The following USP12 variants were observed in gnomAD, a reference collection of about 807,000 sequenced individuals.
USP12 encodes ubiquitin carboxyl-terminal hydrolase 12.
In USP12, 19 loss-of-function variants were observed where a neutral mutation model predicts 45.5. The ratio of observed to expected loss-of-function variants is 0.42; its 90% CI spans 0.29 to 0.61. The LOEUF is 0.61. USP12 is among the 20% of genes least tolerant of loss of function. The pLI is 0.22. For missense variants in USP12, 242 were observed against 447.7 expected, an observed-to-expected ratio of 0.54 and a Z score of 4.15; for synonymous variants, 149 against 148.8, an observed-to-expected ratio of 1.00 and a Z score of -0.01.
chr13:27,070,793 T>TCCGC (rs1873213977), intron 8 of USP12, among the ~76,000 whole-genome samples: 1 of 152,126 alleles, frequency 6.6e-6, no homozygotes, highest in South Asian at 2.1e-4. Context: ...CCTCAGGTGA[T>TCCGC]CCGCCCGCCT....
At chr13:27,132,987 T>A (rs1216466860) in intron 1 of USP12, among the ~76,000 whole-genome samples, 1 of 152,236 alleles carries the variant, frequency 6.6e-6, no homozygotes, top group Non-Finnish European at 1.5e-5. Context: ...GCTCCTACTA[T>A]GAACTGTTGA....
At position 27,123,682 on chromosome 13, in the gene USP12, C is replaced by T. The variant is rs143450941; in HGVS notation, c.49-7086G>A. Reference sequence around the variant, plus strand: ...TTACAAAGGGCAGTTCCCCTGCACACGCTCTCTTGCCTGCCGCCATGTAAG... The same window carrying T: ...TTACAAAGGGCAGTTCCCCTGCACATGCTCTCTTGCCTGCCGCCATGTAAG... On this transcript the variant is annotated intron_variant, in intron 1 of 8. Transcript: ENST00000282344. Among the ~76,000 whole-genome samples the T allele has an allele frequency of 8.1e-3, 1,238 of 152,332 alleles. 15 individuals are homozygous for T. The highest frequency in any genetic ancestry group is 0.026 in the African/African-American group (1,095 of 41,578).
intron 6 of USP12, among the ~76,000 whole-genome samples, chr13:27,086,683 C>T (rs980961809): frequency 5.3e-5 from 8 of 152,080 alleles, no homozygotes; most frequent in Non-Finnish European, 1.0e-4. Flanking sequence ...GTGGCTTTTG[C>T]TCACAGATGG....
intron 6 of USP12, among the ~76,000 whole-genome samples, chr13:27,085,134 T>C (rs963632519): frequency 6.6e-6 from 1 of 151,900 alleles, no homozygotes; most frequent in African/African-American, 2.4e-5. Flanking sequence ...TTGTTTCTAA[T>C]AGTATTATAA....
chr13:27,170,399 C>T (rs1401782881), intron 1 of USP12: 1 of 398,280 alleles, frequency 2.5e-6, no homozygotes, highest in Non-Finnish European at 4.4e-6. Context: ...TATATGAAAT[C>T]AGTTGCATAA....
At chr13:27,093,556 C>A (rs573398212) in intron 4 of USP12, among the ~76,000 whole-genome samples, 8 of 152,204 alleles carry the variant, frequency 5.3e-5, no homozygotes, top group Non-Finnish European at 1.2e-4. Context: ...AACAAGAACT[C>A]TCATTCACTG....
intron 2 of USP12, among the ~76,000 whole-genome samples, chr13:27,113,478 A>G (rs377739205): frequency 6.6e-6 from 1 of 152,082 alleles, no homozygotes; most frequent in East Asian, 1.9e-4. Flanking sequence ...AGAACATTGT[A>G]TTTCCACATC....
At chr13:27,137,237 A>T (rs1455194088) in intron 1 of USP12, among the ~76,000 whole-genome samples, 1 of 152,176 alleles carries the variant, frequency 6.6e-6, no homozygotes, top group African/African-American at 2.4e-5. Flanking sequence ...CCTCAAGTAA[A>T]CAATAATTCT....
chr13:27,115,335 G>C (rs933708445), intron 2 of USP12, among the ~76,000 whole-genome samples: 4 of 152,138 alleles, frequency 2.6e-5, no homozygotes, highest in Non-Finnish European at 4.4e-5. Context: ...AGAGAGAAAG[G>C]TAAGGGAGTG....
chr13:27,166,345 C>G (rs543230862), intron 1 of USP12, among the ~76,000 whole-genome samples: 5 of 152,226 alleles, frequency 3.3e-5, no homozygotes, highest in Admixed American at 6.5e-5. Context: ...AAAGATACTT[C>G]CTGAGACAAT....
chr13:27,116,184 C>T (rs1487296876), intron 2 of USP12, among the ~76,000 whole-genome samples: 4 of 151,684 alleles, frequency 2.6e-5, no homozygotes, highest in African/African-American at 4.8e-5. Flanking sequence ...TGGTGGCAGG[C>T]GCCTGTAGTC....
chr13:27,095,558 G>C (rs1271717299), intron 4 of USP12, 43 bp downstream of exon 4: 1 of 1,379,674 alleles, frequency 7.2e-7, no homozygotes, highest in East Asian at 2.4e-5. Flanking sequence ...CTTTAACATA[G>C]TAATTCAATT....
chr13:27,157,582 C>T (rs1877899108), intron 1 of USP12, among the ~76,000 whole-genome samples: 1 of 152,052 alleles, frequency 6.6e-6, no homozygotes, highest in African/African-American at 2.4e-5. Flanking sequence ...CCAATATGAA[C>T]CCAATCAATT....
intron 1 of USP12, among the ~76,000 whole-genome samples, chr13:27,142,141 C>T (rs866473946): frequency 6.6e-6 from 1 of 152,148 alleles, no homozygotes; most frequent in Non-Finnish European, 1.5e-5. Context: ...CACACAGACA[C>T]ACACACACGC....
Position 27,110,091 on chromosome 13 carries a change from C to CA in USP12, c.130-4148dup, listed in dbSNP as rs1288825934. Among the ~76,000 whole-genome samples, 29 of 124,672 alleles carry CA rather than the reference C, an allele frequency of 2.3e-4. No individual in the cohort carries two copies. The Admixed American group carries it at 2.8e-3, about 12-fold the overall frequency. 81.8% of individuals were successfully genotyped at this position (124,672 alleles called of 152,430 possible). On this transcript the variant is annotated intron_variant, in intron 2 of 8. Coordinates refer to ENST00000282344, the MANE Select transcript of USP12 (RefSeq NM_182488.4). ...TAATTAAACGTGTCCCATTTATGGCCAAAATGCCATGATGACTAGGATTTC... is the reference window on the plus strand; with the variant it reads ...TAATTAAACGTGTCCCATTTATGGCCAAAAATGCCATGATGACTAGGATTTC...
At chr13:27,150,482 T>C (rs1237647541) in intron 1 of USP12, among the ~76,000 whole-genome samples, 1 of 152,228 alleles carries the variant, frequency 6.6e-6, no homozygotes, top group African/African-American at 2.4e-5. Context: ...GTTCACAGAC[T>C]GGAAGACTTT....
At chr13:27,071,856 C>A (rs143352968) in intron 7 of USP12, among the ~76,000 whole-genome samples, 112 of 152,176 alleles carry the variant, frequency 7.4e-4, no homozygotes, top group African/African-American at 2.5e-3. Context: ...AAGGTTTTAA[C>A]CTCTTCCAGT....
intron 6 of USP12, 148 bp from the exon 7 acceptor site, chr13:27,075,536 T>C: frequency 1.4e-6 from 1 of 699,690 alleles, no homozygotes; most frequent in Admixed American, 2.9e-5. Context: ...TTCTATCAAT[T>C]ATTTTTATAC....
intron 1 of USP12, among the ~76,000 whole-genome samples, chr13:27,120,450 C>T (rs55737145): frequency 6.6e-6 from 1 of 152,102 alleles, no homozygotes; most frequent in African/African-American, 2.4e-5. Context: ...ATCAGGAGTT[C>T]GAGACCAGCC....
Sources: gnomAD v4.1 joint callset for allele counts (sites outside exome capture counted in the v4.1 genomes callset) on GRCh38, gnomAD v4.1.1 for gene constraint, MANE v1.5 for transcripts, NCBI Gene and HGNC (gene_info 2026-07-23, HGNC 2026-07-21) for gene names.